LAMA2: variants seen among roughly 807,000 people sequenced by gnomAD.
LAMA2 encodes laminin subunit alpha 2.
In LAMA2, 269 loss-of-function variants were observed where a neutral mutation model predicts 364.8. The ratio of observed to expected loss-of-function variants is 0.74; its 90% CI spans 0.67 to 0.82. The LOEUF (loss-of-function observed/expected upper bound fraction) is 0.82. LAMA2 is among the 40% of genes least tolerant of loss of function. The pLI is 0.00. For missense variants in LAMA2, 3,807 were observed against 3,873.2 expected, an observed-to-expected ratio of 0.98 and a Z score of 0.45; for synonymous variants, 1,379 against 1,370.6, an observed-to-expected ratio of 1.01 and a Z score of -0.14.
At chr6:129,208,550 G>GAGAAAGAA (rs57666672) in intron 12 of LAMA2, among the ~76,000 whole-genome samples, 12 of 128,772 alleles carry the variant, frequency 9.3e-5, no homozygotes, top group Non-Finnish European at 1.9e-4. Flanking sequence ...AGAAAAGGAA[G>GAGAAAGAA]AGAAAGAAAG....
At chr6:129,051,845 A>G (rs1478219952) in intron 2 of LAMA2, among the ~76,000 whole-genome samples, 2 of 151,754 alleles carry the variant, frequency 1.3e-5, no homozygotes, top group Non-Finnish European at 1.5e-5. Flanking sequence ...GGCCTTGAAA[A>G]TTTCATGAAG....
intron 4 of LAMA2, among the ~76,000 whole-genome samples, chr6:129,104,846 A>T (rs1296083327): frequency 6.6e-6 from 1 of 152,182 alleles, no homozygotes; most frequent in Non-Finnish European, 1.5e-5. Context: ...ACCAAGAAAG[A>T]GCTTAACCCT....
intron 20 of LAMA2, among the ~76,000 whole-genome samples, chr6:129,294,654 A>T (rs938841723): frequency 6.6e-6 from 1 of 152,244 alleles, no homozygotes; most frequent in Admixed American, 6.5e-5. Flanking sequence ...TCAGTCCATT[A>T]CAGAGCACCT....
chr6:129,158,456 T>C (rs1779256767), intron 8 of LAMA2: 3 of 1,613,950 alleles, frequency 1.9e-6, no homozygotes, highest in Non-Finnish European at 8.5e-7. Context: ...CCAATAAAGG[T>C]AGTCCAGACC....
At chr6:129,382,325 T>TAC (rs934765696) in intron 34 of LAMA2, among the ~76,000 whole-genome samples, 1 of 152,254 alleles carries the variant, frequency 6.6e-6, no homozygotes, top group Non-Finnish European at 1.5e-5. Flanking sequence ...AACAATGTTA[T>TAC]ACACACACCA....
At chr6:129,255,556 A>G (rs1013630384) in intron 14 of LAMA2, among the ~76,000 whole-genome samples, 1 of 151,908 alleles carries the variant, frequency 6.6e-6, no homozygotes, top group Non-Finnish European at 1.5e-5. Flanking sequence ...TGGAGTTGTT[A>G]CCACAGCATA....
chr6:129,390,952 C>T (rs1283809133), intron 35 of LAMA2, among the ~76,000 whole-genome samples: 1 of 152,046 alleles, frequency 6.6e-6, no homozygotes, highest in Non-Finnish European at 1.5e-5. Flanking sequence ...AACCCTTCTC[C>T]TAGAAGGGTT....
chr6:128,934,916 A>G (rs1361055796), intron 1 of LAMA2, among the ~76,000 whole-genome samples: 1 of 152,186 alleles, frequency 6.6e-6, no homozygotes, highest in Non-Finnish European at 1.5e-5. Context: ...TAGTTCTTCC[A>G]ATTCATGAAC....
At chr6:129,493,409 C>A (rs756908964) in intron 58 of LAMA2, among the ~76,000 whole-genome samples, 5 of 152,108 alleles carry the variant, frequency 3.3e-5, no homozygotes, top group Admixed American at 1.3e-4. Flanking sequence ...GTTTCCCATC[C>A]AAGTACTAAC....
chr6:129,319,571 T>G (rs1774826564), intron 27 of LAMA2, among the ~76,000 whole-genome samples: 1 of 152,188 alleles, frequency 6.6e-6, no homozygotes, highest in African/African-American at 2.4e-5. Flanking sequence ...GATTTAATCA[T>G]CCCACAACTT....
chr6:128,927,862 TTAA>T (rs1779194612), intron 1 of LAMA2, among the ~76,000 whole-genome samples: 1 of 152,350 alleles, frequency 6.6e-6, no homozygotes. Flanking sequence ...AAATAATCAC[TTAA>T]TAATCCTTCT....
rs115270442 is a variant in LAMA2 at position 128,986,754 on chromosome 6, A to G, written c.113-63164A>G. Among the ~76,000 whole-genome samples the G allele has an allele frequency of 2.6e-3, 389 of 152,246 alleles. 1 individual carries two copies. The highest frequency in any genetic ancestry group is 9.0e-3 in the African/African-American group (373 of 41,570). ...TTTTAAAAAAAAATCACTTGAAAAA[A>G]TTATTTTATGGTTAAGCCACCAAAC... On this transcript the variant is annotated intron_variant, in intron 1 of 64. Transcript: ENST00000421865.
intron 4 of LAMA2, among the ~76,000 whole-genome samples, chr6:129,137,309 A>C (rs1195584247): frequency 6.6e-6 from 1 of 151,972 alleles, no homozygotes; most frequent in Non-Finnish European, 1.5e-5. Flanking sequence ...AGTGCCCTAC[A>C]TGCTGCATGA....
intron 34 of LAMA2, among the ~76,000 whole-genome samples, chr6:129,379,491 G>C (rs1029656984): frequency 1.1e-4 from 16 of 152,228 alleles, no homozygotes; most frequent in African/African-American, 3.9e-4. Context: ...TGCTTTTGGT[G>C]CCGGGAACCT....
At chr6:129,151,952 G>A (rs1011080710) in intron 7 of LAMA2, among the ~76,000 whole-genome samples, 1 of 152,150 alleles carries the variant, frequency 6.6e-6, no homozygotes, top group African/African-American at 2.4e-5. Flanking sequence ...GATTTGTATT[G>A]ATTACTATGT....
rs189260077 is a variant in LAMA2 at position 129,279,982 on chromosome 6, G to A, written c.2451-79G>A. The A allele has an allele frequency of 3.7e-3, 3,386 of 924,070 alleles. 9 individuals carry two copies. The highest frequency in any genetic ancestry group is 4.7e-3 in the Non-Finnish European group (2,607 of 556,154). The allele number at this position is 924,070 out of a possible 1,614,324, so 57.2% of individuals were successfully genotyped here. A position where few individuals can be genotyped will look rare whatever the true frequency, so the allele number is the denominator to read the frequency against. ...TCTTTTGTCAGAGCAGTAGTGGAGA[G>A]AGAGAAATGAGAAAATGCTAATGAC... On this transcript the variant is annotated intron_variant, in intron 17 of 64. Coordinates refer to ENST00000421865, the MANE Select transcript of LAMA2 (RefSeq NM_000426.4).
intron 1 of LAMA2, among the ~76,000 whole-genome samples, chr6:128,995,251 A>T (rs1783854946): frequency 2.0e-5 from 3 of 152,164 alleles, no homozygotes; most frequent in Admixed American, 2.0e-4. Context: ...TATATCACAC[A>T]AGATATATTG....
intron 41 of LAMA2, among the ~76,000 whole-genome samples, chr6:129,437,440 A>G (rs1781889221): frequency 6.6e-6 from 1 of 151,796 alleles, no homozygotes; most frequent in Non-Finnish European, 1.5e-5. Flanking sequence ...ATACTTGTCC[A>G]TCCTATCCAG....
At position 128,925,492 on chromosome 6, in the gene LAMA2, C is replaced by T. The variant is rs1030173202; in HGVS notation, c.112+42135C>T. ...CAGAAAGTATAATGGTGATTACTAGCGGCTGCAGGGAGAGAGGAATAGGGA... is the reference window on the plus strand; with the variant it reads ...CAGAAAGTATAATGGTGATTACTAGTGGCTGCAGGGAGAGAGGAATAGGGA... On this transcript the variant is annotated intron_variant, in intron 1 of 64. Coordinates refer to ENST00000421865, the MANE Select transcript of LAMA2 (RefSeq NM_000426.4). Among the ~76,000 whole-genome samples, 5 of 152,066 alleles carry T rather than the reference C, an allele frequency of 3.3e-5. No individual in the cohort carries two copies. The East Asian group carries it at 5.8e-4, about 18-fold the overall frequency.
Sources: allele counts gnomAD v4.1 joint callset (sites outside exome capture counted in the v4.1 genomes callset), GRCh38; gene constraint gnomAD v4.1.1; transcripts MANE v1.5; gene names NCBI Gene and HGNC (gene_info 2026-07-23, HGNC 2026-07-21).